The following SMYD3 variants were observed in gnomAD, a reference collection of about 807,000 sequenced individuals.
SMYD3 encodes the protein SET and MYND domain containing 3.
Under a neutral mutation model 57.7 loss-of-function variants are expected in SMYD3, and 36 were observed. That is an observed-to-expected ratio of 0.62 (90% CI 0.48 to 0.82). The LOEUF (loss-of-function observed/expected upper bound fraction) is 0.82. Among genes scored for constraint, SMYD3 ranks in the 40% least tolerant of loss-of-function variants. SMYD3 has a pLI of 0.00. For synonymous variants in SMYD3, 211 were observed against 195.0 expected (o/e 1.08, Z -0.68); for missense variants, 515 against 538.8 (o/e 0.96, Z 0.44).
At chr1:245,897,897 CAA>C (rs1309319308) in intron 8 of SMYD3, among the ~76,000 whole-genome samples, 4 of 131,736 alleles carry the variant, frequency 3.0e-5, no homozygotes, top group Admixed American at 7.6e-5. Context: ...AGACTGTCTC[CAA>C]AAAAAAAAAA....
intron 5 of SMYD3, among the ~76,000 whole-genome samples, chr1:246,161,886 T>G (rs907176797): frequency 1.3e-5 from 2 of 152,072 alleles, no homozygotes; most frequent in Non-Finnish European, 2.9e-5. Context: ...AGCCAAAAAC[T>G]CCTAGAAGTA....
Position 246,335,437 on chromosome 1 carries a change from C to T in SMYD3, c.266G>A (p.Cys89Tyr), listed in dbSNP as rs751377672. ...ATATCTGGGTTTGCAGCTTTTAAGG[C>T]ATTTGCATTCCCGCTTGTGGTCTGG... ...AWPDHKRECKCLKSCKPRYPP... is the reference protein window; with the variant it reads ...AWPDHKRECKYLKSCKPRYPP... The change falls in exon 3 of 12, where the codon TGC becomes TAC. Residue 89 changes from cysteine (C) to tyrosine (Y), a missense_variant. Transcript: ENST00000490107. 11 of 1,614,174 alleles carry T rather than the reference C, an allele frequency of 6.8e-6. No homozygotes were observed. The Admixed American group carries it at 1.8e-4, about 27-fold the overall frequency.
chr1:246,170,187 T>C (rs2062303838), intron 5 of SMYD3, among the ~76,000 whole-genome samples: 1 of 152,092 alleles, frequency 6.6e-6, no homozygotes, highest in Non-Finnish European at 1.5e-5. Flanking sequence ...TAATATATTT[T>C]TCATTAACCT....
intron 5 of SMYD3, among the ~76,000 whole-genome samples, chr1:246,083,957 C>T (rs1416799227): frequency 6.6e-6 from 1 of 151,870 alleles, no homozygotes; most frequent in Admixed American, 6.6e-5. Flanking sequence ...AAAAGGTTAC[C>T]TTTATATTCT....
chr1:246,497,288 G>A lies in SMYD3; in HGVS notation c.164+9766C>T, dbSNP rs369436024. Among the ~76,000 whole-genome samples the A allele has an allele frequency of 2.8e-3, 430 of 152,296 alleles. 5 individuals carry two copies. Among genetic ancestry groups the A allele is most frequent in the African/African-American group, 0.01 (420 of 41,554 alleles). ...ACTATACCATGTAAATTTCATTAGT[G>A]AGTTTTATATAGATATTTATGACAA... is the stretch of plus-strand genomic sequence containing the variant. On this transcript the variant is annotated intron_variant, in intron 1 of 11. Transcript: ENST00000490107.
chr1:245,928,094 C>A (rs2056498166), intron 6 of SMYD3, 61 bp from the exon 7 acceptor site: 1 of 1,370,396 alleles, frequency 7.3e-7, no homozygotes. Flanking sequence ...CTAAATTTAA[C>A]AAATGCAGTG....
At chr1:245,805,514 C>A (rs1037375959) in intron 10 of SMYD3, among the ~76,000 whole-genome samples, 3 of 152,198 alleles carry the variant, frequency 2.0e-5, no homozygotes, top group Non-Finnish European at 4.4e-5. Context: ...AAAGTCACAG[C>A]CATCTGTTCA....
At chr1:245,867,962 C>T (rs2051972284) in intron 8 of SMYD3, among the ~76,000 whole-genome samples, 1 of 152,208 alleles carries the variant, frequency 6.6e-6, no homozygotes, top group Non-Finnish European at 1.5e-5. Flanking sequence ...ATATCTTCCC[C>T]ACTTAACTGT....
chr1:246,444,772 G>A (rs2067528785), intron 1 of SMYD3, among the ~76,000 whole-genome samples: 1 of 152,202 alleles, frequency 6.6e-6, no homozygotes. Context: ...GCTCCAGAGT[G>A]CTTAACTCAA....
At chr1:246,327,359 T>C (rs745862450) in intron 4 of SMYD3, 22 bp from the exon 5 acceptor site, 2 of 1,595,658 alleles carry the variant, frequency 1.3e-6, no homozygotes, top group African/African-American at 1.4e-5. Context: ...AGAAAATAAA[T>C]AGCACAATCT....
intron 5 of SMYD3, among the ~76,000 whole-genome samples, chr1:246,087,055 T>A (rs1222330314): frequency 2.0e-5 from 3 of 152,180 alleles, no homozygotes; most frequent in Non-Finnish European, 4.4e-5. Flanking sequence ...AAGGGCATGA[T>A]CTCATTCATT....
intron 8 of SMYD3, among the ~76,000 whole-genome samples, chr1:245,911,660 C>T (rs1260787608): frequency 6.6e-6 from 1 of 151,978 alleles, no homozygotes; most frequent in East Asian, 1.9e-4. Context: ...CATGTTCTCA[C>T]TCATACATGG....
At chr1:246,093,044 A>C (rs1005829495) in intron 5 of SMYD3, among the ~76,000 whole-genome samples, 32 of 152,282 alleles carry the variant, frequency 2.1e-4, no homozygotes, top group Middle Eastern at 6.8e-3. Context: ...TGAAATGCAA[A>C]TCAAAACCAT....
chr1:245,855,231 C>T (rs921063097), intron 10 of SMYD3, among the ~76,000 whole-genome samples: 1 of 152,112 alleles, frequency 6.6e-6, no homozygotes. Context: ...TCTCTAGTTC[C>T]GAAAGAAAAG....
intron 5 of SMYD3, among the ~76,000 whole-genome samples, chr1:246,029,578 A>C (rs1422773152): frequency 6.6e-6 from 1 of 151,436 alleles, no homozygotes; most frequent in Non-Finnish European, 1.5e-5. Flanking sequence ...AGGCTGAAGC[A>C]GGAGAATTGC....
chr1:245,888,535 C>A (rs2148574256), intron 8 of SMYD3, among the ~76,000 whole-genome samples: 1 of 152,304 alleles, frequency 6.6e-6, no homozygotes, highest in East Asian at 1.9e-4. Flanking sequence ...ATTTTCTGGG[C>A]CGGATTGTCC....
At chr1:246,308,559 A>G (rs1164017850) in intron 5 of SMYD3, among the ~76,000 whole-genome samples, 1 of 152,216 alleles carries the variant, frequency 6.6e-6, no homozygotes, top group Non-Finnish European at 1.5e-5. Flanking sequence ...CGACTACAAC[A>G]GCAATCTCTA....
intron 5 of SMYD3, among the ~76,000 whole-genome samples, chr1:246,084,783 C>T (rs768256810): frequency 2.6e-5 from 4 of 152,154 alleles, no homozygotes; most frequent in Non-Finnish European, 4.4e-5. Flanking sequence ...TCAATGGCAA[C>T]AAAAGAATGT....
At chr1:246,275,129 G>A (rs2064304177) in intron 5 of SMYD3, among the ~76,000 whole-genome samples, 1 of 152,182 alleles carries the variant, frequency 6.6e-6, no homozygotes, top group African/African-American at 2.4e-5. Flanking sequence ...CAGGAACAGT[G>A]AAGACAAAAT....
Sources: allele counts gnomAD v4.1 joint callset (sites outside exome capture counted in the v4.1 genomes callset), GRCh38; gene constraint gnomAD v4.1.1; transcripts MANE v1.5; gene names NCBI Gene and HGNC (gene_info 2026-07-23, HGNC 2026-07-21).